Variants in STK32A observed in about 807,000 individuals in gnomAD.
The protein encoded by STK32A is serine/threonine kinase 32A.
A neutral mutation model predicts 53.2 loss-of-function variants in STK32A; 41 were observed. That is an observed-to-expected ratio of 0.77 (90% confidence interval 0.60 to 1.00). The LOEUF is 1.00. Among genes scored for constraint, STK32A ranks in the 50% least tolerant of loss-of-function variants. The pLI, the probability that STK32A is intolerant of heterozygous loss-of-function variation, is 0.00. For synonymous variants in STK32A, 166 were observed against 162.8 expected (o/e 1.02, Z -0.15); for missense variants, 458 against 485.8 (o/e 0.94, Z 0.54).
chr5:147,271,309 C>G (rs943928152), intron 2 of STK32A, among the ~76,000 whole-genome samples: 3 of 152,140 alleles, frequency 2.0e-5, no homozygotes, highest in Admixed American at 2.0e-4. Context: ...CTTGTGATTT[C>G]CTATGCCTGT....
chr5:147,252,178 A>T (rs1308138561), intron 2 of STK32A, among the ~76,000 whole-genome samples: 1 of 152,136 alleles, frequency 6.6e-6, no homozygotes, highest in Non-Finnish European at 1.5e-5. Flanking sequence ...TTTCATCATC[A>T]TTGTCATCAT....
chr5:147,396,055 A>T, the STK32A span, among the ~76,000 whole-genome samples: 2 of 152,094 alleles, frequency 1.3e-5, no homozygotes, highest in African/African-American at 4.8e-5. Flanking sequence ...AGCAAAGAGA[A>T]GAGCAAGGGC....
At position 147,384,377 on chromosome 5, in the gene STK32A, A is replaced by G; in HGVS notation, c.*394A>G. 6.5e-7 allele frequency: 1 copy of G among 1,528,874 alleles called. No individual in the cohort carries two copies. Among genetic ancestry groups the G allele is most frequent in the South Asian group, 1.2e-5 (1 of 82,576 alleles). The allele number at this position is 1,528,874 out of a possible 1,614,324, so 94.7% of individuals were successfully genotyped here. A position where few individuals can be genotyped will look rare whatever the true frequency, so the allele number is the denominator to read the frequency against. On this transcript the variant is annotated 3_prime_UTR_variant, in exon 13 of 13. Coordinates refer to ENST00000397936, the MANE Select transcript of STK32A (RefSeq NM_001112724.2). ...TTCCACTCCTTCTAATTATGCAGTG[A>G]CAAATGGACAAATGGACACAGGACT...
intron 6 of STK32A, among the ~76,000 whole-genome samples, chr5:147,349,255 T>C (rs536634771): frequency 6.6e-6 from 1 of 152,350 alleles, no homozygotes; most frequent in Admixed American, 6.5e-5. Context: ...CAAAACACTT[T>C]CTGCACAAAA....
At chr5:147,263,648 T>C (rs62377684) in intron 2 of STK32A, among the ~76,000 whole-genome samples, 19,856 of 152,050 alleles carry the variant, frequency 0.13, 1,567 homozygotes, top group East Asian at 0.35. Context: ...ATTTAGAAGA[T>C]ATATTTAAAG....
At chr5:147,377,310 A>T (rs1757270848) in intron 11 of STK32A, among the ~76,000 whole-genome samples, 1 of 151,218 alleles carries the variant, frequency 6.6e-6, no homozygotes, top group Admixed American at 6.6e-5. Context: ...AAATTTTTTG[A>T]TACCTGTTTT....
At chr5:147,275,266 A>C (rs1438190026) in intron 2 of STK32A, among the ~76,000 whole-genome samples, 1 of 151,828 alleles carries the variant, frequency 6.6e-6, no homozygotes, top group Non-Finnish European at 1.5e-5. Context: ...CCTGCTAACT[A>C]GTGATTCTTT....
chr5:147,335,980 G>A (rs1455532712), intron 5 of STK32A, among the ~76,000 whole-genome samples: 2 of 152,144 alleles, frequency 1.3e-5, no homozygotes, highest in East Asian at 1.9e-4. Flanking sequence ...CTGAGCCTTG[G>A]TCATTTGACT....
chr5:147,245,610 A>G (rs1230809731), intron 2 of STK32A, among the ~76,000 whole-genome samples: 1 of 152,202 alleles, frequency 6.6e-6, no homozygotes, highest in Non-Finnish European at 1.5e-5. Context: ...ATTATGAGTA[A>G]TATGTGTATC....
At chr5:147,314,740 CTT>C (rs780298418) in intron 4 of STK32A, among the ~76,000 whole-genome samples, 15 of 135,994 alleles carry the variant, frequency 1.1e-4, no homozygotes, top group Admixed American at 1.5e-4. Context: ...CTTTCTTTTT[CTT>C]TTTTTTTTTT....
intron 4 of STK32A, among the ~76,000 whole-genome samples, chr5:147,314,627 G>T (rs990861383): frequency 2.7e-5 from 4 of 149,932 alleles, no homozygotes; most frequent in Admixed American, 2.7e-4. Flanking sequence ...TACATTAAAA[G>T]ATAAATAAAT....
chr5:147,317,929 A>C (rs1271389097), intron 4 of STK32A, among the ~76,000 whole-genome samples: 2 of 152,230 alleles, frequency 1.3e-5, no homozygotes, highest in African/African-American at 4.8e-5. Context: ...AATATGTATT[A>C]GATATATCAG....
intron 2 of STK32A, among the ~76,000 whole-genome samples, chr5:147,266,076 T>C (rs1295509127): frequency 6.6e-6 from 1 of 152,222 alleles, no homozygotes; most frequent in Non-Finnish European, 1.5e-5. Context: ...TCAGCACCTT[T>C]CTGTTGCCAT....
At position 147,257,247 on chromosome 5, in the gene STK32A, G is replaced by A. The variant is rs530996808; in HGVS notation, c.52+17561G>A. 5.4e-3 allele frequency among the ~76,000 whole-genome samples: 822 copies of A among 152,034 alleles called. 7 individuals are homozygous for A. Among genetic ancestry groups the A allele is most frequent in the Admixed American group, 6.9e-3 (105 of 15,272 alleles). Reference sequence around the variant, plus strand: ...ACTACAGCATAAAAGCTCTACGTCGGGGGCGGGGCGGGGGGTAGGACTCTG... The same window carrying A: ...ACTACAGCATAAAAGCTCTACGTCGAGGGCGGGGCGGGGGGTAGGACTCTG... On this transcript the variant is annotated intron_variant, in intron 2 of 12. Transcript: ENST00000397936.
chr5:147,293,348 T>C (rs1229777183), intron 4 of STK32A, among the ~76,000 whole-genome samples: 2 of 152,006 alleles, frequency 1.3e-5, no homozygotes, highest in Non-Finnish European at 2.9e-5. Flanking sequence ...TTTATACAAA[T>C]ATATTCAAAG....
intron 8 of STK32A, among the ~76,000 whole-genome samples, chr5:147,369,809 T>C (rs186375527): frequency 1.3e-5 from 2 of 152,244 alleles, no homozygotes; most frequent in East Asian, 3.9e-4. Context: ...AATAAACATG[T>C]ATTGTGCACC....
chr5:147,336,102 G>A (rs1394985584), intron 5 of STK32A, among the ~76,000 whole-genome samples: 1 of 152,100 alleles, frequency 6.6e-6, no homozygotes. Flanking sequence ...ACATTACTAA[G>A]TACTATACTA....
chr5:147,300,581 G>A (rs1441259220), intron 4 of STK32A, among the ~76,000 whole-genome samples: 1 of 152,224 alleles, frequency 6.6e-6, no homozygotes, highest in Non-Finnish European at 1.5e-5. Context: ...ATGTGTGTTA[G>A]TGTTAGGGCT....
chr5:147,365,229 A>T (rs190035132), intron 8 of STK32A, among the ~76,000 whole-genome samples: 5 of 152,292 alleles, frequency 3.3e-5, no homozygotes, highest in Non-Finnish European at 7.4e-5. Context: ...CAGGAAATCA[A>T]AGATGAGTGT....
Sources: gnomAD v4.1 joint callset for allele counts (sites outside exome capture counted in the v4.1 genomes callset) on GRCh38, gnomAD v4.1.1 for gene constraint, MANE v1.5 for transcripts, NCBI Gene and HGNC (gene_info 2026-07-23, HGNC 2026-07-21) for gene names.